PPTC7: variants seen among roughly 807,000 people sequenced by gnomAD.
PPTC7 encodes protein phosphatase targeting COQ7, also known as protein phosphatase PTC7 homolog.
Under a neutral mutation model 30.8 loss-of-function variants are expected in PPTC7, and 6 were observed. The ratio of observed to expected loss-of-function variants is 0.19; its 90% CI spans 0.11 to 0.38. The LOEUF (loss-of-function observed/expected upper bound fraction) is 0.38. Among genes scored for constraint, PPTC7 ranks in the 10% least tolerant of loss-of-function variants. The pLI, the probability that PPTC7 is intolerant of heterozygous loss-of-function variation, is 1.00. For missense variants in PPTC7, 218 were observed against 404.8 expected (o/e 0.54, Z 3.96); for synonymous variants, 163 against 168.1 (o/e 0.97, Z 0.23).
At chr12:110,570,942 C>T (rs999949733) in intron 1 of PPTC7, among the ~76,000 whole-genome samples, 14 of 152,230 alleles carry the variant, frequency 9.2e-5, no homozygotes, top group Admixed American at 3.9e-4. Flanking sequence ...TTTTTCTTTT[C>T]CAAATCTCTC....
intron 2 of PPTC7, chr12:110,546,461 A>T: frequency 5.5e-6 from 1 of 182,924 alleles, no homozygotes; most frequent in Non-Finnish European, 1.2e-5. Flanking sequence ...CAATGCCAGA[A>T]TGAAAATGTT....
At chr12:110,563,792 C>A (rs937707986) in intron 1 of PPTC7, among the ~76,000 whole-genome samples, 1 of 152,200 alleles carries the variant, frequency 6.6e-6, no homozygotes. Context: ...TGAGCCTCCA[C>A]ATACACTTAC....
intron 1 of PPTC7, among the ~76,000 whole-genome samples, chr12:110,556,997 GGCA>G (rs1160881509): frequency 1.3e-5 from 2 of 152,152 alleles, no homozygotes; most frequent in Non-Finnish European, 2.9e-5. Flanking sequence ...GGAAAAGAAA[GGCA>G]GACAACTAGA....
At chr12:110,580,012 C>G (rs1217221095) in intron 1 of PPTC7, among the ~76,000 whole-genome samples, 1 of 151,376 alleles carries the variant, frequency 6.6e-6, no homozygotes, top group South Asian at 2.1e-4. Context: ...AAACTCCATA[C>G]CCGCACCCCC....
intron 3 of PPTC7, 142 bp from the exon 4 acceptor site, chr12:110,540,087 AAGTC>A: frequency 2.9e-6 from 2 of 678,736 alleles, no homozygotes; most frequent in Non-Finnish European, 4.3e-6. Flanking sequence ...TTTTTAAAAA[AAGTC>A]ATTCTGAAAT....
At chr12:110,564,047 A>C (rs2064460244) in intron 1 of PPTC7, among the ~76,000 whole-genome samples, 1 of 152,222 alleles carries the variant, frequency 6.6e-6, no homozygotes, top group South Asian at 2.1e-4. Flanking sequence ...TGGCTTGGGA[A>C]CTTGTGCAAA....
At chr12:110,559,012 T>C (rs963692424) in intron 1 of PPTC7, among the ~76,000 whole-genome samples, 3 of 151,900 alleles carry the variant, frequency 2.0e-5, no homozygotes, top group Non-Finnish European at 4.4e-5. Flanking sequence ...AAGTTTTCCA[T>C]AGACTGATGC....
rs1453605663 is a variant in PPTC7 at position 110,583,294 on chromosome 12, C to G, written c.-263G>C. Reference sequence around the variant, plus strand: ...TCCCGGCTGCAGCGGCCGCCGCCGCCGCCGCCATCTTCCGCTCCACTAGCG... The same window carrying G: ...TCCCGGCTGCAGCGGCCGCCGCCGCGGCCGCCATCTTCCGCTCCACTAGCG... On this transcript the variant is annotated 5_prime_UTR_variant, in exon 1 of 6. Coordinates refer to ENST00000354300, the MANE Select transcript of PPTC7 (RefSeq NM_139283.2). The G allele has an allele frequency of 2.3e-5, 4 of 171,990 alleles. No homozygotes were observed. In the East Asian group the frequency reaches 6.9e-4, roughly 30 times the overall value. The allele number at this position is 171,990 out of a possible 1,614,324, so 10.7% of individuals were successfully genotyped here.
In PPTC7 at chr12:110,540,335, T is replaced by TC. The variant is rs2064249606; in HGVS notation, c.603-391_603-390insG. 2.0e-5 allele frequency among the ~76,000 whole-genome samples: 3 copies of TC among 147,796 alleles called. No homozygotes were observed. The South Asian group carries it at 6.7e-4, about 33-fold the overall frequency. On this transcript the variant is annotated intron_variant, in intron 3 of 5. Coordinates refer to ENST00000354300, the MANE Select transcript of PPTC7 (RefSeq NM_139283.2). Reference sequence around the variant, plus strand: ...TCCCCCCCCGCCTTTTTTTTTTTTTTTTTTGGAGACAAGTCTCGCTCTGTT... The same window carrying TC: ...TCCCCCCCCGCCTTTTTTTTTTTTTTCTTTTGGAGACAAGTCTCGCTCTGTT...
In PPTC7 at chr12:110,551,845, A is replaced by G. The variant is rs147203978; in HGVS notation, c.347T>C (p.Ile116Thr). ...KEGRFVPSNP[I>T]GILTTSYCEL... is the part of the protein sequence containing the mutation. ...ACAGTAGCTTGTGGTGAGAATTCCA[A>G]TGGGATTACTAGGTACGAACCGTCC... The change falls in exon 2 of 6, where the codon ATT becomes ACT. Residue 116 changes from isoleucine to threonine, a missense_variant. Transcript: ENST00000354300. The G allele has an allele frequency of 8.9e-5, 144 of 1,614,074 alleles. No homozygotes were observed. The South Asian group carries it at 9.2e-4, about 10-fold the overall frequency.
chr12:110,538,558 C>T (rs939241644), intron 4 of PPTC7, among the ~76,000 whole-genome samples: 1 of 152,148 alleles, frequency 6.6e-6, no homozygotes, highest in Non-Finnish European at 1.5e-5. Context: ...ACTGAAAAGG[C>T]AGATTCTGAT....
At position 110,536,854 on chromosome 12, in the gene PPTC7, CT is replaced by C; in HGVS notation, c.*182del. On this transcript the variant is annotated 3_prime_UTR_variant, in exon 6 of 6. Coordinates refer to ENST00000354300, the MANE Select transcript of PPTC7 (RefSeq NM_139283.2). ...TTCAATTGCTGCCGGCAGATATGAG[CT>C]AGTGAATGATAGTAGTGGTTCTCAA... 1 of 557,494 alleles carries C rather than the reference CT, an allele frequency of 1.8e-6. No individual in the cohort carries two copies. Among genetic ancestry groups the C allele is most frequent in the South Asian group, 3.1e-5 (1 of 32,728 alleles). The allele number at this position is 557,494 out of a possible 1,614,324, so 34.5% of individuals were successfully genotyped here. A position where few individuals can be genotyped will look rare whatever the true frequency, so the allele number is the denominator to read the frequency against.
At chr12:110,561,843 G>A (rs771714775) in intron 1 of PPTC7, among the ~76,000 whole-genome samples, 12 of 151,898 alleles carry the variant, frequency 7.9e-5, no homozygotes, top group Non-Finnish European at 1.3e-4. Flanking sequence ...CCTGTGGTCC[G>A]AGCTGCTTGG....
intron 1 of PPTC7, among the ~76,000 whole-genome samples, chr12:110,566,683 T>C (rs2064486437): frequency 6.6e-6 from 1 of 152,176 alleles, no homozygotes; most frequent in Admixed American, 6.6e-5. Flanking sequence ...CTTTGACCCA[T>C]GTTTGTAGGC....
chr12:110,539,889 G>A lies in PPTC7; in HGVS notation c.659C>T (p.Thr220Met), dbSNP rs201450777. The A allele has an allele frequency of 5.0e-6, 8 of 1,613,900 alleles. No homozygotes were observed. Among genetic ancestry groups the A allele is most frequent in the South Asian group, 4.4e-5 (4 of 91,072 alleles). ...FDVQLGDIIL[T>M]ATDGLFDNMP... ...GTTGTCAAAGAGTCCATCTGTTGCC[G>A]TCAGGATAATGTCTCCTAGCTGGAC... The change falls in exon 4 of 6, where the codon ACG becomes ATG. Residue 220 changes from threonine (T) to methionine (M), a missense_variant. Coordinates refer to ENST00000354300, the MANE Select transcript of PPTC7 (RefSeq NM_139283.2).
rs147590274 is a variant in PPTC7 at position 110,571,111 on chromosome 12, C to T, written c.223+11698G>A. On this transcript the variant is annotated intron_variant, in intron 1 of 5. Transcript: ENST00000354300. ...CCGAGGACGTCTACAGTCAGCCTTA[C>T]GGTAAGCTTGTGCACTCGGAAGAAG... 4.2e-3 allele frequency among the ~76,000 whole-genome samples: 632 copies of T among 152,182 alleles called. 4 individuals carry two copies. The highest frequency in any genetic ancestry group is 0.012 in the African/African-American group (501 of 41,526).
chr12:110,542,084 A>G (rs1392146407), intron 3 of PPTC7, among the ~76,000 whole-genome samples: 1 of 151,976 alleles, frequency 6.6e-6, no homozygotes, highest in Non-Finnish European at 1.5e-5. Flanking sequence ...CCAAAGCTGA[A>G]GGTTGCAGTG....
intron 2 of PPTC7, among the ~76,000 whole-genome samples, chr12:110,550,349 GCCT>G (rs1031344910): frequency 1.3e-5 from 2 of 150,162 alleles, no homozygotes; most frequent in Non-Finnish European, 2.9e-5. Context: ...TCTTGACTCA[GCCT>G]CCTAAGTAGC....
intron 1 of PPTC7, among the ~76,000 whole-genome samples, chr12:110,579,741 G>A (rs919514110): frequency 6.6e-6 from 1 of 152,156 alleles, no homozygotes; most frequent in Non-Finnish European, 1.5e-5. Flanking sequence ...GGCTGGGCGC[G>A]GTGGTTCATG....
Sources: gnomAD v4.1 joint callset for allele counts (sites outside exome capture counted in the v4.1 genomes callset) on GRCh38, gnomAD v4.1.1 for gene constraint, MANE v1.5 for transcripts, NCBI Gene and HGNC (gene_info 2026-07-23, HGNC 2026-07-21) for gene names.